The following CYB5R4 variants were observed in gnomAD, a reference collection of about 807,000 sequenced individuals.
CYB5R4 encodes cytochrome b5 reductase 4.
CYB5R4 carries 55 observed loss-of-function variants against 70.2 expected under a neutral mutation model. That is an observed-to-expected ratio of 0.78 (90% CI 0.63 to 0.98). CYB5R4 has a LOEUF of 0.98. CYB5R4 is among the 50% of genes least tolerant of loss of function. CYB5R4 has a pLI of 0.00. For missense variants in CYB5R4, 562 were observed against 612.6 expected (o/e 0.92, Z 0.87); for synonymous variants, 197 against 199.5 (o/e 0.99, Z 0.11).
chr6:83,880,385 G>A (rs2099459253), intron 2 of CYB5R4, among the ~76,000 whole-genome samples: 1 of 152,006 alleles, frequency 6.6e-6, no homozygotes, highest in African/African-American at 2.4e-5. Context: ...TAACAGCAAA[G>A]GTAGTTAAGT....
chr6:83,895,055 A>G (rs2099461648), intron 3 of CYB5R4, among the ~76,000 whole-genome samples: 1 of 152,156 alleles, frequency 6.6e-6, no homozygotes, highest in Non-Finnish European at 1.5e-5. Context: ...GAGAAGAGTC[A>G]TGTTTACTCT....
At chr6:83,926,714 C>A (rs2099467345) in intron 10 of CYB5R4, among the ~76,000 whole-genome samples, 1 of 152,084 alleles carries the variant, frequency 6.6e-6, no homozygotes, top group African/African-American at 2.4e-5. Context: ...CCAAAGACCC[C>A]TTGTTTACCC....
chr6:83,885,134 C>A (rs1296288007), intron 2 of CYB5R4, among the ~76,000 whole-genome samples: 2 of 151,894 alleles, frequency 1.3e-5, no homozygotes, highest in African/African-American at 4.8e-5. Flanking sequence ...TAAATAGTAC[C>A]TATGTTTATG....
At chr6:83,926,762 G>A (rs1223630996) in intron 10 of CYB5R4, among the ~76,000 whole-genome samples, 3 of 152,138 alleles carry the variant, frequency 2.0e-5, no homozygotes, top group East Asian at 3.9e-4. Context: ...CTCATGTGGG[G>A]AAGTGTCAGT....
intron 2 of CYB5R4, among the ~76,000 whole-genome samples, chr6:83,870,621 C>G (rs2099457440): frequency 6.6e-6 from 1 of 151,852 alleles, no homozygotes; most frequent in Non-Finnish European, 1.5e-5. Context: ...AATATACTAT[C>G]TAAATAATAA....
rs1668896792 is a variant in CYB5R4 at position 83,960,772 on chromosome 6, T to C, written c.*894T>C. 1 of 152,236 alleles carries C rather than the reference T, an allele frequency of 6.6e-6. No individual in the cohort carries two copies. Among genetic ancestry groups the C allele is most frequent in the Non-Finnish European group, 1.5e-5 (1 of 68,048 alleles). 9.4% of individuals were successfully genotyped at this position (152,236 alleles called of 1,614,324 possible). The stretch of plus-strand genomic sequence containing the variant: ...TGGTTCTTCCCCTGGTTGGCTGCTT[T>C]CTCCACAACTGGTGGTTCAGCAGGA... On this transcript the variant is annotated 3_prime_UTR_variant, in exon 16 of 16. Transcript: ENST00000369681.
intron 2 of CYB5R4, among the ~76,000 whole-genome samples, chr6:83,868,218 A>G (rs964633325): frequency 2.6e-5 from 4 of 151,972 alleles, no homozygotes; most frequent in South Asian, 2.1e-4. Flanking sequence ...TTTTGTGACA[A>G]TTGCCCCATT....
In CYB5R4 at chr6:83,965,068, C is replaced by A. The variant is rs185264979; in HGVS notation, c.*5190C>A. The A allele has an allele frequency of 6.6e-6, 1 of 152,410 alleles. No homozygotes were observed. The highest frequency in any genetic ancestry group is 2.4e-5 in the African/African-American group (1 of 41,586). The allele number at this position is 152,410 out of a possible 1,614,324, so 9.4% of individuals were successfully genotyped here. A position where few individuals can be genotyped will look rare whatever the true frequency, so the allele number is the denominator to read the frequency against. On this transcript the variant is annotated 3_prime_UTR_variant, in exon 16 of 16. Transcript: ENST00000369681. ...AAGTTTGCTGCAGGGGCGGGGCTCT[C>A]ATGGAGAACCTCGGCTAGGGCAGTG...
intron 14 of CYB5R4, among the ~76,000 whole-genome samples, chr6:83,943,281 T>G (rs2099470051): frequency 6.6e-6 from 1 of 152,128 alleles, no homozygotes; most frequent in South Asian, 2.1e-4. Context: ...CAGCAATCTT[T>G]GCTGTTCTGC....
intron 10 of CYB5R4, among the ~76,000 whole-genome samples, chr6:83,933,012 C>T (rs879210358): frequency 2.6e-5 from 4 of 152,084 alleles, no homozygotes; most frequent in African/African-American, 7.2e-5. Flanking sequence ...TGATTTATAA[C>T]GTTAAATATT....
chr6:83,863,068 G>A (rs1194927070), intron 1 of CYB5R4, among the ~76,000 whole-genome samples: 1 of 152,180 alleles, frequency 6.6e-6, no homozygotes, highest in African/African-American at 2.4e-5. Context: ...GACAAGCTTA[G>A]TTCCATAGAG....
At chr6:83,942,519 A>G (rs1261872405) in intron 14 of CYB5R4, among the ~76,000 whole-genome samples, 1 of 152,198 alleles carries the variant, frequency 6.6e-6, no homozygotes, top group Non-Finnish European at 1.5e-5. Flanking sequence ...CTGGGTTTCA[A>G]GCACAAACTT....
intron 4 of CYB5R4, among the ~76,000 whole-genome samples, chr6:83,911,710 A>T (rs1352549820): frequency 6.6e-6 from 1 of 151,842 alleles, no homozygotes; most frequent in Non-Finnish European, 1.5e-5. Context: ...CTTCAATAAC[A>T]CCTCCTGTAT....
intron 2 of CYB5R4, among the ~76,000 whole-genome samples, chr6:83,892,566 G>T (rs1008806343): frequency 2.6e-5 from 4 of 152,088 alleles, no homozygotes; most frequent in South Asian, 2.1e-4. Context: ...TGTGTTTGTT[G>T]TTCCCTATTC....
intron 2 of CYB5R4, among the ~76,000 whole-genome samples, chr6:83,881,106 G>T (rs1022814997): frequency 6.6e-6 from 1 of 152,166 alleles, no homozygotes; most frequent in Admixed American, 6.5e-5. Context: ...GGGTAAGAGG[G>T]TTGTTCCTTG....
At chr6:83,875,313 G>A (rs2099458357) in intron 2 of CYB5R4, among the ~76,000 whole-genome samples, 1 of 151,942 alleles carries the variant, frequency 6.6e-6, no homozygotes, top group African/African-American at 2.4e-5. Context: ...GTCTCACTAT[G>A]CTGCCTAGGC....
chr6:83,871,523 A>G (rs189082752), intron 2 of CYB5R4, among the ~76,000 whole-genome samples: 80 of 151,918 alleles, frequency 5.3e-4, no homozygotes, highest in African/African-American at 1.9e-3. Context: ...AATTTAGTGG[A>G]GAGGAAAAAC....
rs2099473753 is a variant in CYB5R4, at chr6:83,964,305, G to T, written c.*4427G>T. The T allele has an allele frequency of 6.5e-6, 1 of 153,052 alleles. No homozygotes were observed. The highest frequency in any genetic ancestry group is 6.5e-5 in the Admixed American group (1 of 15,284). The allele number at this position is 153,052 out of a possible 1,614,324, so 9.5% of individuals were successfully genotyped here. ...TGGCTTTGACAAAAATACTGATAATGATATGGACAATGAAATCTAGACTGA... is the reference window on the plus strand; with the variant it reads ...TGGCTTTGACAAAAATACTGATAATTATATGGACAATGAAATCTAGACTGA... On this transcript the variant is annotated 3_prime_UTR_variant, in exon 16 of 16. Transcript: ENST00000369681.
chr6:83,880,035 G>C (rs2099459211), intron 2 of CYB5R4, among the ~76,000 whole-genome samples: 1 of 152,112 alleles, frequency 6.6e-6, no homozygotes, highest in South Asian at 2.1e-4. Context: ...TTAATGGATT[G>C]TCTGCCTTGT....
Sources: allele counts gnomAD v4.1 joint callset (sites outside exome capture counted in the v4.1 genomes callset), GRCh38; gene constraint gnomAD v4.1.1; transcripts MANE v1.5; gene names NCBI Gene and HGNC (gene_info 2026-07-23, HGNC 2026-07-21).